Variants in STK39 observed in about 807,000 individuals in gnomAD.
STK39 encodes STE20/SPS1-related proline-alanine-rich protein kinase.
STK39 carries 20 observed loss-of-function variants against 77.8 expected under a neutral mutation model. The ratio of observed to expected loss-of-function variants is 0.26; its 90% confidence interval spans 0.18 to 0.37. The LOEUF is 0.37. STK39 is among the 10% of genes least tolerant of loss of function. The probability of loss-of-function intolerance (pLI) is 1.00; values close to 1 mark genes in which losing one functional copy is unlikely to be tolerated. For synonymous variants in STK39, 246 were observed against 234.1 expected, an observed-to-expected ratio of 1.05 and a Z score of -0.47; for missense variants, 479 against 656.5, an observed-to-expected ratio of 0.73 and a Z score of 2.95.
chr2:167,990,578 A>T (rs927852656), intron 16 of STK39, among the ~76,000 whole-genome samples: 6 of 152,228 alleles, frequency 3.9e-5, no homozygotes, highest in African/African-American at 1.2e-4. Context: ...AGAAGACAGA[A>T]ACCTCTGGAA....
rs150405529 is a variant in STK39, at chr2:168,170,040, G to A, written c.322-2633C>T. ...AATGCTTAAGGACATGATGAAACTCGCCTTAGGGAGAAACATCTGTAGCTC... is the reference window on the plus strand; with the variant it reads ...AATGCTTAAGGACATGATGAAACTCACCTTAGGGAGAAACATCTGTAGCTC... On this transcript the variant is annotated intron_variant, in intron 2 of 17. Transcript: ENST00000355999. Among the ~76,000 whole-genome samples the A allele has an allele frequency of 3.0e-3, 461 of 152,242 alleles. 6 individuals are homozygous for A. The highest frequency in any genetic ancestry group is 0.01 in the African/African-American group (430 of 41,536).
chr2:167,994,526 C>T (rs986476057), intron 16 of STK39, among the ~76,000 whole-genome samples: 3 of 152,124 alleles, frequency 2.0e-5, no homozygotes, highest in Non-Finnish European at 4.4e-5. Flanking sequence ...GCAACCACTA[C>T]CTCTAGTCAG....
At chr2:168,052,821 A>T (rs1226130716) in intron 14 of STK39, among the ~76,000 whole-genome samples, 5 of 152,194 alleles carry the variant, frequency 3.3e-5, no homozygotes, top group Admixed American at 3.3e-4. Flanking sequence ...ACAGCTTCAA[A>T]ATGGAACCCT....
intron 1 of STK39, among the ~76,000 whole-genome samples, chr2:168,242,560 A>AAAAAAATATATATATATATAT (rs1296747890): frequency 2.2e-5 from 1 of 44,860 alleles, no homozygotes; most frequent in Admixed American, 2.6e-4. Flanking sequence ...AAAAAAAAAA[A>AAAAAAATATATATATATATAT]ATATATATAT....
intron 10 of STK39, among the ~76,000 whole-genome samples, chr2:168,092,642 T>C (rs1369017013): frequency 6.6e-6 from 1 of 152,220 alleles, no homozygotes; most frequent in Non-Finnish European, 1.5e-5. Context: ...TGAGAAAAAC[T>C]GAGTTTCACA....
chr2:168,244,406 G>A (rs1361597288), intron 1 of STK39, among the ~76,000 whole-genome samples: 2 of 152,168 alleles, frequency 1.3e-5, no homozygotes, highest in Admixed American at 1.3e-4. Flanking sequence ...GTTAAAACAC[G>A]GTGCCTCCTT....
At chr2:168,009,657 A>C (rs1375682173) in intron 16 of STK39, among the ~76,000 whole-genome samples, 1 of 152,182 alleles carries the variant, frequency 6.6e-6, no homozygotes, top group East Asian at 1.9e-4. Context: ...TGAAATACAT[A>C]AACATTGTCT....
chr2:168,199,512 T>C (rs1294066302), intron 1 of STK39, among the ~76,000 whole-genome samples: 1 of 151,732 alleles, frequency 6.6e-6, no homozygotes, highest in Non-Finnish European at 1.5e-5. Flanking sequence ...TAAAAGGAAA[T>C]GGTAATCCTG....
intron 1 of STK39, among the ~76,000 whole-genome samples, chr2:168,184,172 T>G (rs1183164883): frequency 6.6e-6 from 1 of 152,156 alleles, no homozygotes; most frequent in Admixed American, 6.5e-5. Context: ...CAGAGATACC[T>G]CTCATAGTTA....
intron 1 of STK39, among the ~76,000 whole-genome samples, chr2:168,226,769 T>A (rs956448294): frequency 5.3e-5 from 8 of 152,216 alleles, no homozygotes; most frequent in Non-Finnish European, 1.0e-4. Flanking sequence ...AGCATTTAAT[T>A]AGTACAACTG....
Position 168,200,233 on chromosome 2 carries a change from C to T in STK39, c.209-18143G>A, listed in dbSNP as rs115775719. Among the ~76,000 whole-genome samples the T allele has an allele frequency of 6.4e-3, 978 of 152,244 alleles. 11 individuals carry two copies. Among genetic ancestry groups the T allele is most frequent in the African/African-American group, 0.022 (919 of 41,546 alleles). ...CTACAAGTGATTAGACAAAAACATCCATGGAAATATTAAATGCCATGAAAT... is the reference window on the plus strand; with the variant it reads ...CTACAAGTGATTAGACAAAAACATCTATGGAAATATTAAATGCCATGAAAT... On this transcript the variant is annotated intron_variant, in intron 1 of 17. Transcript: ENST00000355999.
chr2:168,009,606 A>C (rs1204043955), intron 16 of STK39, among the ~76,000 whole-genome samples: 1 of 152,220 alleles, frequency 6.6e-6, no homozygotes, highest in Non-Finnish European at 1.5e-5. Context: ...GATTAAAACA[A>C]CCTGTCCTCT....
At chr2:168,223,510 C>CAAA (rs60067513) in intron 1 of STK39, among the ~76,000 whole-genome samples, 15 of 102,190 alleles carry the variant, frequency 1.5e-4, no homozygotes, top group Admixed American at 2.2e-4. Context: ...GACTCCGTCT[C>CAAA]AAAAAAAAAA....
At chr2:168,002,099 A>G (rs1303402686) in intron 16 of STK39, among the ~76,000 whole-genome samples, 1 of 152,272 alleles carries the variant, frequency 6.6e-6, no homozygotes, top group African/African-American at 2.4e-5. Context: ...GTAGATATCT[A>G]CAACTAATCC....
intron 14 of STK39, among the ~76,000 whole-genome samples, chr2:168,051,039 C>T (rs901594199): frequency 2.0e-5 from 3 of 152,180 alleles, no homozygotes; most frequent in Admixed American, 6.5e-5. Context: ...ATACTTGTTA[C>T]CTTTCCAAGA....
At chr2:168,023,075 TG>T (rs1317641355) in intron 14 of STK39, among the ~76,000 whole-genome samples, 1 of 152,078 alleles carries the variant, frequency 6.6e-6, no homozygotes, top group African/African-American at 2.4e-5. Flanking sequence ...CCCCCATACC[TG>T]GCTAATTTTT....
At chr2:168,092,121 A>C (rs1462345369) in intron 10 of STK39, among the ~76,000 whole-genome samples, 1 of 152,222 alleles carries the variant, frequency 6.6e-6, no homozygotes, top group African/African-American at 2.4e-5. Flanking sequence ...CCACTTAAAC[A>C]AGCTCCGATT....
At chr2:167,993,865 ATTCTCT>A (rs66896332) in intron 16 of STK39, among the ~76,000 whole-genome samples, 60,199 of 151,460 alleles carry the variant, frequency 0.4, 12,600 homozygotes, top group African/African-American at 0.48. Context: ...GGAAGAAAAG[ATTCTCT>A]TTGTCTTCTT....
Position 168,247,558 on chromosome 2 carries a change from C to CGCCGCCGCCGCCGCCGCCGCG in STK39, c.-124_-123insCGCGGCGGCGGCGGCGGCGGC. 1 of 738,938 alleles carries CGCCGCCGCCGCCGCCGCCGCG rather than the reference C, an allele frequency of 1.4e-6. No homozygotes were observed. 45.8% of individuals were successfully genotyped at this position (738,938 alleles called of 1,614,324 possible). A position where few individuals can be genotyped will look rare whatever the true frequency, so the allele number is the denominator to read the frequency against. On this transcript the variant is annotated 5_prime_UTR_variant, in exon 1 of 18. Coordinates refer to ENST00000355999, the MANE Select transcript of STK39 (RefSeq NM_013233.3). ...CGCCCTCCCCGCCCGCCGCCGCCGC[C>CGCCGCCGCCGCCGCCGCCGCG]GCCGTCCCCGCCGAAGCCAGCTAGG...
Sources: gnomAD v4.1 joint callset for allele counts (sites outside exome capture counted in the v4.1 genomes callset) on GRCh38, gnomAD v4.1.1 for gene constraint, MANE v1.5 for transcripts, NCBI Gene and HGNC (gene_info 2026-07-23, HGNC 2026-07-21) for gene names.